SYNPR: variants seen among roughly 807,000 people sequenced by gnomAD.
The protein encoded by SYNPR is synaptoporin.
In SYNPR, 23 loss-of-function variants were observed where a neutral mutation model predicts 32.9. That is an observed-to-expected ratio of 0.70 (90% CI 0.50 to 0.99). SYNPR has a LOEUF of 0.99. SYNPR is among the 50% of genes least tolerant of loss of function. The pLI is 0.00. For missense variants in SYNPR, 318 were observed against 349.3 expected (o/e 0.91, Z 0.71); for synonymous variants, 146 against 135.9 (o/e 1.07, Z -0.52).
intron 2 of SYNPR, among the ~76,000 whole-genome samples, chr3:63,464,997 A>T (rs937336717): frequency 4.6e-5 from 7 of 152,180 alleles, no homozygotes; most frequent in Non-Finnish European, 7.4e-5. Flanking sequence ...AGTGTGTTCC[A>T]TGTGAACTCC....
chr3:63,398,322 G>A (rs546917396), intron 2 of SYNPR, among the ~76,000 whole-genome samples: 1 of 152,186 alleles, frequency 6.6e-6, no homozygotes, highest in Non-Finnish European at 1.5e-5. Context: ...TGGAATCTTA[G>A]GCTCCAGTAA....
intron 2 of SYNPR, among the ~76,000 whole-genome samples, chr3:63,418,656 G>A (rs969202952): frequency 8.5e-5 from 13 of 152,318 alleles, no homozygotes; most frequent in Middle Eastern, 3.4e-3. Context: ...AACAAGCCAC[G>A]TCTTACACAA....
rs568353054 is a variant in SYNPR, at chr3:63,428,723, T to C, written c.85-52109T>C. 3.3e-5 allele frequency among the ~76,000 whole-genome samples: 5 copies of C among 152,320 alleles called. No individual in the cohort carries two copies. In the East Asian group the frequency reaches 9.7e-4, roughly 29 times the overall value. ...GCTATTGGCTGGAACAACGGGATAA[T>C]AGATCATGTGTCTCTTCAGTGTCAT... On this transcript the variant is annotated intron_variant, in intron 2 of 5. Coordinates refer to ENST00000478300, the MANE Select transcript of SYNPR (RefSeq NM_001130003.2).
intron 2 of SYNPR, among the ~76,000 whole-genome samples, chr3:63,282,402 G>C (rs2106919832): frequency 6.6e-6 from 1 of 152,250 alleles, no homozygotes; most frequent in African/African-American, 2.4e-5. Flanking sequence ...TATGCTATGT[G>C]TTATTTGAGA....
intron 2 of SYNPR, among the ~76,000 whole-genome samples, chr3:63,461,490 A>G (rs974980300): frequency 6.6e-5 from 10 of 152,072 alleles, no homozygotes; most frequent in African/African-American, 2.4e-4. Flanking sequence ...AATTTGTGTC[A>G]AAACATTTCT....
At chr3:63,314,005 C>CA (rs2087011553) in intron 2 of SYNPR, among the ~76,000 whole-genome samples, 2 of 6,604 alleles carry the variant, frequency 3.0e-4, no homozygotes, top group African/African-American at 9.3e-4. Flanking sequence ...ATATATATAT[C>CA]CATATATATA....
rs566309184 is a variant in SYNPR at position 63,615,106 on chromosome 3, C to T, written c.601-118C>T. 1.3e-5 allele frequency: 16 copies of T among 1,245,108 alleles called. No individual in the cohort carries two copies. In the Middle Eastern group the frequency reaches 8.4e-4, roughly 66 times the overall value. The allele number at this position is 1,245,108 out of a possible 1,614,324, so 77.1% of individuals were successfully genotyped here. On this transcript the variant is annotated intron_variant, in intron 5 of 5. Coordinates refer to ENST00000478300, the MANE Select transcript of SYNPR (RefSeq NM_001130003.2). ...CGGTTCCAAATGGAAAACTTGGAAG[C>T]GGACTCAACATTAAAGTGAAAAGTG...
At chr3:63,230,993 A>G (rs763439509) in intron 1 of SYNPR, among the ~76,000 whole-genome samples, 2 of 152,174 alleles carry the variant, frequency 1.3e-5, no homozygotes, top group Non-Finnish European at 2.9e-5. Flanking sequence ...GAAATGCACT[A>G]CTAGGTACCT....
intron 2 of SYNPR, among the ~76,000 whole-genome samples, chr3:63,291,363 T>C (rs992402070): frequency 1.3e-5 from 2 of 149,282 alleles, no homozygotes; most frequent in Non-Finnish European, 3.0e-5. Flanking sequence ...TGAGTTTATG[T>C]GTATGAAAGT....
At chr3:63,399,317 T>C (rs1050105785) in intron 2 of SYNPR, among the ~76,000 whole-genome samples, 1 of 152,216 alleles carries the variant, frequency 6.6e-6, no homozygotes, top group Non-Finnish European at 1.5e-5. Flanking sequence ...CATGAAGAGA[T>C]GGCATATACC....
At position 63,455,743 on chromosome 3, in the gene SYNPR, T is replaced by C. The variant is rs192172818; in HGVS notation, c.85-25089T>C. 1.6e-4 allele frequency among the ~76,000 whole-genome samples: 19 copies of C among 120,990 alleles called. No individual in the cohort carries two copies. The East Asian group carries it at 4.0e-3, about 25-fold the overall frequency. 79.4% of individuals were successfully genotyped at this position (120,990 alleles called of 152,430 possible). ...CCCTCTCTGATTTTGCTTCTGTACA[T>C]AGTCATGTTTGGGGTGTGTGTGTGT... is the stretch of plus-strand genomic sequence containing the variant. On this transcript the variant is annotated intron_variant, in intron 2 of 5. Coordinates refer to ENST00000478300, the MANE Select transcript of SYNPR (RefSeq NM_001130003.2).
intron 2 of SYNPR, among the ~76,000 whole-genome samples, chr3:63,438,051 T>G (rs191838345): frequency 1.1e-4 from 17 of 152,350 alleles, no homozygotes; most frequent in Admixed American, 5.2e-4. Flanking sequence ...TGTTTATCCC[T>G]TATTCAGCAA....
At chr3:63,431,700 T>G (rs1272539436) in intron 2 of SYNPR, among the ~76,000 whole-genome samples, 1 of 151,890 alleles carries the variant, frequency 6.6e-6, no homozygotes, top group East Asian at 1.9e-4. Context: ...GTGTGAACTG[T>G]TACACGAATC....
intron 2 of SYNPR, among the ~76,000 whole-genome samples, chr3:63,401,078 C>T (rs761728262): frequency 2.6e-5 from 4 of 151,368 alleles, no homozygotes; most frequent in Non-Finnish European, 4.4e-5. Flanking sequence ...GGACCCAGCT[C>T]GAGAGGGAGG....
At chr3:63,384,921 AC>A (rs1404198081) in intron 2 of SYNPR, among the ~76,000 whole-genome samples, 1 of 152,106 alleles carries the variant, frequency 6.6e-6, no homozygotes, top group Non-Finnish European at 1.5e-5. Context: ...AAGAGCTCTT[AC>A]CCTCTATTCA....
chr3:63,393,787 A>G (rs1366491254), intron 2 of SYNPR, among the ~76,000 whole-genome samples: 3 of 152,140 alleles, frequency 2.0e-5, no homozygotes, highest in Non-Finnish European at 4.4e-5. Context: ...CTGGGATTAC[A>G]GGTGTGAGCC....
At chr3:63,249,450 C>T (rs1406338498) in intron 1 of SYNPR, among the ~76,000 whole-genome samples, 1 of 152,048 alleles carries the variant, frequency 6.6e-6, no homozygotes, top group Non-Finnish European at 1.5e-5. Flanking sequence ...TATATTCTTA[C>T]ATAAATTCTT....
intron 2 of SYNPR, among the ~76,000 whole-genome samples, chr3:63,447,745 T>A (rs78210629): frequency 1.0e-5 from 1 of 100,184 alleles, no homozygotes; most frequent in African/African-American, 4.0e-5. Context: ...TTTACTGTGA[T>A]TTTTTTTTTT....
chr3:63,530,056 G>C (rs771566725), intron 3 of SYNPR, among the ~76,000 whole-genome samples: 2 of 152,110 alleles, frequency 1.3e-5, no homozygotes, highest in Non-Finnish European at 2.9e-5. Context: ...CCTGCACCCT[G>C]ACCCCCATGC....
Sources: allele counts gnomAD v4.1 joint callset (sites outside exome capture counted in the v4.1 genomes callset), GRCh38; gene constraint gnomAD v4.1.1; transcripts MANE v1.5; gene names NCBI Gene and HGNC (gene_info 2026-07-23, HGNC 2026-07-21).